The following FOXP1 variants were observed in gnomAD, a reference collection of about 807,000 sequenced individuals.
FOXP1 encodes the protein forkhead box protein P1.
In FOXP1, 15 loss-of-function variants were observed where a neutral mutation model predicts 98.2. The ratio of observed to expected loss-of-function variants is 0.15; its 90% CI spans 0.10 to 0.24. FOXP1 has a LOEUF of 0.24. Ranked by LOEUF, FOXP1 falls within the 10% of genes least tolerant of loss-of-function variation. FOXP1 has a pLI of 1.00. For synonymous variants in FOXP1, 371 were observed against 314.5 expected, an observed-to-expected ratio of 1.18 and a Z score of -1.90; for missense variants, 633 against 848.5, an observed-to-expected ratio of 0.75 and a Z score of 3.15.
chr3:71,514,603 C>T (rs2042426765), intron 2 of FOXP1, among the ~76,000 whole-genome samples: 1 of 152,196 alleles, frequency 6.6e-6, no homozygotes, highest in Non-Finnish European at 1.5e-5. Flanking sequence ...ATGAATGAAT[C>T]CAGGAGTGGA....
At chr3:71,337,492 A>G (rs910752741) in intron 4 of FOXP1, among the ~76,000 whole-genome samples, 1 of 152,228 alleles carries the variant, frequency 6.6e-6, no homozygotes. Flanking sequence ...GTAGTTTTCT[A>G]TAACTGTTCT....
intron 6 of FOXP1, among the ~76,000 whole-genome samples, chr3:71,136,688 G>C (rs2059833763): frequency 6.6e-6 from 1 of 151,972 alleles, no homozygotes; most frequent in Admixed American, 6.5e-5. Context: ...ACTGTTTTTT[G>C]CTGTTTTCTC....
intron 14 of FOXP1, among the ~76,000 whole-genome samples, chr3:70,981,874 C>A (rs942522708): frequency 1.3e-5 from 2 of 152,150 alleles, no homozygotes; most frequent in African/African-American, 2.4e-5. Context: ...ACATGACTAG[C>A]CCGTGAGGGA....
intron 5 of FOXP1, among the ~76,000 whole-genome samples, chr3:71,253,860 T>C (rs1328358274): frequency 2.6e-5 from 4 of 152,214 alleles, no homozygotes; most frequent in African/African-American, 9.6e-5. Flanking sequence ...AAAAATGTTA[T>C]ACATGTAAGG....
At chr3:71,094,923 A>C (rs1156893763) in intron 7 of FOXP1, among the ~76,000 whole-genome samples, 2 of 152,228 alleles carry the variant, frequency 1.3e-5, no homozygotes. Flanking sequence ...GACTTCTATT[A>C]GTCAAAATCC....
chr3:71,405,187 A>G (rs1473813619), intron 3 of FOXP1, among the ~76,000 whole-genome samples: 1 of 152,164 alleles, frequency 6.6e-6, no homozygotes, highest in Non-Finnish European at 1.5e-5. Flanking sequence ...CCAGGCTCCC[A>G]TGTTTAGTCT....
At chr3:71,075,267 C>T (rs1220604068) in intron 7 of FOXP1, among the ~76,000 whole-genome samples, 1 of 152,192 alleles carries the variant, frequency 6.6e-6, no homozygotes, top group African/African-American at 2.4e-5. Context: ...GTACTTCACC[C>T]ACACAAGGTT....
chr3:71,316,555 C>T (rs2075086252), intron 4 of FOXP1, among the ~76,000 whole-genome samples: 1 of 152,164 alleles, frequency 6.6e-6, no homozygotes, highest in African/African-American at 2.4e-5. Flanking sequence ...ACAGTGGATC[C>T]ACCACAGAGC....
At chr3:71,066,980 A>T (rs776563471) in intron 7 of FOXP1, among the ~76,000 whole-genome samples, 14 of 152,222 alleles carry the variant, frequency 9.2e-5, no homozygotes, top group Admixed American at 3.9e-4. Flanking sequence ...TGCTTACTCA[A>T]CTACTAAATT....
At chr3:71,281,422 T>C (rs1200846563) in intron 5 of FOXP1, among the ~76,000 whole-genome samples, 1 of 152,054 alleles carries the variant, frequency 6.6e-6, no homozygotes, top group Non-Finnish European at 1.5e-5. Context: ...TCAAAACACA[T>C]CTGAGTGGTG....
intron 3 of FOXP1, among the ~76,000 whole-genome samples, chr3:71,364,539 T>G (rs1338705788): frequency 6.6e-6 from 1 of 152,250 alleles, no homozygotes; most frequent in Non-Finnish European, 1.5e-5. Flanking sequence ...GCTGTTGAAT[T>G]GGCTTTTAAT....
intron 6 of FOXP1, among the ~76,000 whole-genome samples, chr3:71,119,915 C>T (rs952047058): frequency 6.6e-6 from 1 of 152,116 alleles, no homozygotes; most frequent in African/African-American, 2.4e-5. Flanking sequence ...TTTTATTTTA[C>T]AAATAGAACA....
At chr3:71,085,734 C>CTTTTTTTTTTTTTTTTTTTTTTTTT (rs1442095039) in intron 7 of FOXP1, among the ~76,000 whole-genome samples, 1 of 3,136 alleles carries the variant, frequency 3.2e-4, no homozygotes. Context: ...TCATTTATGG[C>CTTTTTTTTTTTTTTTTTTTTTTTTT]CTTTTTTTTT....
intron 7 of FOXP1, among the ~76,000 whole-genome samples, chr3:71,111,650 C>T (rs1297708566): frequency 6.6e-6 from 1 of 152,206 alleles, no homozygotes; most frequent in Non-Finnish European, 1.5e-5. Context: ...CCGCCTGCCT[C>T]AGCTTCCCAA....
chr3:71,423,980 G>A (rs1200843071), intron 3 of FOXP1, among the ~76,000 whole-genome samples: 1 of 152,018 alleles, frequency 6.6e-6, no homozygotes, highest in African/African-American at 2.4e-5. Context: ...ATTTTTTAGA[G>A]ACAAGGTCTC....
chr3:71,256,260 A>G (rs2068611873), intron 5 of FOXP1, among the ~76,000 whole-genome samples: 1 of 152,142 alleles, frequency 6.6e-6, no homozygotes, highest in Non-Finnish European at 1.5e-5. Flanking sequence ...GGGACTCCAG[A>G]GAGGAAACTG....
At chr3:70,984,143 C>CT (rs1252475262) in intron 14 of FOXP1, among the ~76,000 whole-genome samples, 3 of 152,180 alleles carry the variant, frequency 2.0e-5, no homozygotes, top group African/African-American at 7.2e-5. Flanking sequence ...TACCTGAGAG[C>CT]TAGAGCTTAG....
intron 3 of FOXP1, among the ~76,000 whole-genome samples, chr3:71,404,012 C>A (rs954088087): frequency 2.0e-5 from 3 of 151,106 alleles, no homozygotes; most frequent in Admixed American, 6.6e-5. Flanking sequence ...CAAAAGATGT[C>A]TTTCTAAAAC....
chr3:71,295,867 C>T (rs2073235635), intron 5 of FOXP1, among the ~76,000 whole-genome samples: 1 of 152,198 alleles, frequency 6.6e-6, no homozygotes, highest in South Asian at 2.1e-4. Flanking sequence ...GTGCATCCCT[C>T]TTTAGTTTCC....
Sources: gnomAD v4.1 joint callset for allele counts (sites outside exome capture counted in the v4.1 genomes callset) on GRCh38, gnomAD v4.1.1 for gene constraint, MANE v1.5 for transcripts, NCBI Gene and HGNC (gene_info 2026-07-23, HGNC 2026-07-21) for gene names.